CDH13: variants seen among roughly 807,000 people sequenced by gnomAD.
CDH13 encodes the protein cadherin-13.
Under a neutral mutation model 63.8 loss-of-function variants are expected in CDH13, and 24 were observed. The ratio of observed to expected loss-of-function variants is 0.38; its 90% CI spans 0.27 to 0.53. The LOEUF (loss-of-function observed/expected upper bound fraction) is 0.53, where lower values mean the gene tolerates loss of function less well. Ranked by LOEUF, CDH13 falls within the 20% of genes least tolerant of loss-of-function variation. The probability of loss-of-function intolerance (pLI) is 0.85; values close to 1 mark genes in which losing one functional copy is unlikely to be tolerated. For synonymous variants in CDH13, 503 were observed against 355.3 expected (o/e 1.42, Z -4.67); for missense variants, 1,049 against 903.1 (o/e 1.16, Z -2.07).
chr16:83,537,448 A>G (rs1760360772), intron 7 of CDH13, among the ~76,000 whole-genome samples: 1 of 152,182 alleles, frequency 6.6e-6, no homozygotes, highest in Non-Finnish European at 1.5e-5. Context: ...TGAATATATA[A>G]TGTATTTGAA....
intron 3 of CDH13, among the ~76,000 whole-genome samples, chr16:83,073,824 T>A (rs1369359058): frequency 1.3e-5 from 2 of 152,212 alleles, no homozygotes; most frequent in South Asian, 2.1e-4. Context: ...GCATAGCAAT[T>A]GTCTACCAGT....
intron 2 of CDH13, among the ~76,000 whole-genome samples, chr16:82,920,623 C>G (rs2042124961): frequency 6.6e-6 from 1 of 152,200 alleles, no homozygotes; most frequent in African/African-American, 2.4e-5. Context: ...CCACTGCAGG[C>G]CCCACTGTGG....
intron 6 of CDH13, among the ~76,000 whole-genome samples, chr16:83,410,802 C>G (rs1460226384): frequency 1.3e-5 from 2 of 152,152 alleles, no homozygotes; most frequent in African/African-American, 2.4e-5. Context: ...TGATTGTTTT[C>G]TTGTGGGATT....
At chr16:82,904,311 G>C (rs941586746) in intron 2 of CDH13, among the ~76,000 whole-genome samples, 11 of 152,128 alleles carry the variant, frequency 7.2e-5, no homozygotes, top group Non-Finnish European at 1.2e-4. Flanking sequence ...ACTTCAGAAG[G>C]CTTTGGCATC....
intron 5 of CDH13, among the ~76,000 whole-genome samples, chr16:83,341,255 A>G (rs539525736): frequency 1.3e-5 from 2 of 152,350 alleles, no homozygotes; most frequent in African/African-American, 4.8e-5. Context: ...TATTTCAATT[A>G]GGAAGAAAGA....
intron 1 of CDH13, among the ~76,000 whole-genome samples, chr16:82,764,041 T>G (rs2034955914): frequency 6.6e-6 from 1 of 152,212 alleles, no homozygotes; most frequent in African/African-American, 2.4e-5. Context: ...CCAAACTGCT[T>G]GTTTTAGTAT....
intron 1 of CDH13, among the ~76,000 whole-genome samples, chr16:82,840,533 G>C (rs905651630): frequency 6.6e-6 from 1 of 151,562 alleles, no homozygotes; most frequent in African/African-American, 2.4e-5. Flanking sequence ...AAACACGAAA[G>C]AAACAGCCAG....
intron 5 of CDH13, among the ~76,000 whole-genome samples, chr16:83,252,487 G>C (rs1036887575): frequency 6.6e-6 from 1 of 151,948 alleles, no homozygotes; most frequent in East Asian, 1.9e-4. Flanking sequence ...GAACATTTTA[G>C]GAGCACGCCT....
chr16:83,502,598 G>A (rs906112027), intron 7 of CDH13, among the ~76,000 whole-genome samples: 1 of 152,222 alleles, frequency 6.6e-6, no homozygotes, highest in African/African-American at 2.4e-5. Flanking sequence ...GGGCTTGAAA[G>A]AGATGACGTG....
chr16:83,013,647 C>T (rs894580454), intron 2 of CDH13, among the ~76,000 whole-genome samples: 6 of 152,220 alleles, frequency 3.9e-5, no homozygotes, highest in Non-Finnish European at 5.9e-5. Flanking sequence ...AGTAACTTGT[C>T]TATTCCTCAG....
At chr16:82,956,053 A>T (rs1174801137) in intron 2 of CDH13, among the ~76,000 whole-genome samples, 3 of 152,068 alleles carry the variant, frequency 2.0e-5, no homozygotes, top group Non-Finnish European at 2.9e-5. Context: ...TGCAAAGTTA[A>T]ACTCAATCTC....
chr16:83,191,550 T>C (rs2038714395), intron 4 of CDH13, among the ~76,000 whole-genome samples: 1 of 138,282 alleles, frequency 7.2e-6, no homozygotes, highest in Non-Finnish European at 1.5e-5. Flanking sequence ...TATATATATA[T>C]ATATATACAC....
At chr16:82,864,493 G>A (rs1040421512) in intron 2 of CDH13, among the ~76,000 whole-genome samples, 6 of 152,066 alleles carry the variant, frequency 3.9e-5, no homozygotes, top group Admixed American at 2.6e-4. Context: ...TTCAGAAGGT[G>A]GCAGGAAGGA....
intron 10 of CDH13, among the ~76,000 whole-genome samples, chr16:83,686,113 G>A (rs976221251): frequency 1.3e-5 from 2 of 152,228 alleles, no homozygotes; most frequent in Non-Finnish European, 2.9e-5. Context: ...AAGCACACAA[G>A]CAGGGTTTAC....
chr16:83,341,304 A>G lies in CDH13; in HGVS notation c.637-3558A>G, dbSNP rs138799381. 9.8e-5 allele frequency among the ~76,000 whole-genome samples: 15 copies of G among 152,338 alleles called. 1 individual carries two copies. In the East Asian group the frequency reaches 2.9e-3, roughly 29 times the overall value. ...CGTTATTGAACATTTATTCTCTGAT[A>G]CTGGAGGATGCGCTGGAATTCAAGA... On this transcript the variant is annotated intron_variant, in intron 5 of 13. Coordinates refer to ENST00000567109, the MANE Select transcript of CDH13 (RefSeq NM_001257.5).
At chr16:82,995,108 A>G (rs1246919634) in intron 2 of CDH13, among the ~76,000 whole-genome samples, 3 of 152,212 alleles carry the variant, frequency 2.0e-5, no homozygotes, top group Non-Finnish European at 4.4e-5. Flanking sequence ...CATTTTAATC[A>G]TCACTATCAA....
At chr16:83,191,502 TATACACAC>T (rs1443108904) in intron 4 of CDH13, among the ~76,000 whole-genome samples, 18 of 71,246 alleles carry the variant, frequency 2.5e-4, no homozygotes, top group South Asian at 4.3e-4. Flanking sequence ...CATATATATA[TATACACAC>T]ACACACACAC....
intron 2 of CDH13, among the ~76,000 whole-genome samples, chr16:82,885,696 G>C (rs943290630): frequency 6.6e-6 from 1 of 152,056 alleles, no homozygotes; most frequent in Non-Finnish European, 1.5e-5. Flanking sequence ...TAGTGCATTG[G>C]TTACAAGCAC....
intron 3 of CDH13, among the ~76,000 whole-genome samples, chr16:83,073,008 T>C (rs1004031949): frequency 6.6e-6 from 1 of 152,234 alleles, no homozygotes; most frequent in Non-Finnish European, 1.5e-5. Context: ...AAAGAAACAC[T>C]TTTCAAATGG....
Sources: allele counts gnomAD v4.1 joint callset (sites outside exome capture counted in the v4.1 genomes callset), GRCh38; gene constraint gnomAD v4.1.1; transcripts MANE v1.5; gene names NCBI Gene and HGNC (gene_info 2026-07-23, HGNC 2026-07-21).